Variants in CNTNAP4 observed in about 807,000 individuals in gnomAD.
CNTNAP4 encodes the protein contactin-associated protein-like 4.
In CNTNAP4, 98 loss-of-function variants were observed where a neutral mutation model predicts 148.4. That is an observed-to-expected ratio of 0.66 (90% CI 0.56 to 0.78). The LOEUF (loss-of-function observed/expected upper bound fraction) is 0.78, where lower values mean the gene tolerates loss of function less well. CNTNAP4 is among the 30% of genes least tolerant of loss of function. CNTNAP4 has a pLI of 0.00. For synonymous variants in CNTNAP4, 730 were observed against 565.1 expected (o/e 1.29, Z -4.14); for missense variants, 1,935 against 1,565.6 (o/e 1.24, Z -3.98).
chr16:76,368,995 T>TA (rs1477413209), intron 3 of CNTNAP4, among the ~76,000 whole-genome samples: 1 of 151,238 alleles, frequency 6.6e-6, no homozygotes, highest in African/African-American at 2.4e-5. Flanking sequence ...TGAAACTTTC[T>TA]AAAAAACAGT....
chr16:76,415,409 A>G (rs886089205), intron 3 of CNTNAP4, among the ~76,000 whole-genome samples: 4 of 151,260 alleles, frequency 2.6e-5, no homozygotes, highest in Non-Finnish European at 5.9e-5. Flanking sequence ...GCAATATCAT[A>G]AAATAATCAT....
intron 8 of CNTNAP4, among the ~76,000 whole-genome samples, chr16:76,458,937 T>C (rs529513119): frequency 1.5e-3 from 220 of 145,822 alleles, no homozygotes; most frequent in African/African-American, 5.9e-3. Context: ...CAGTTCCCCC[T>C]TTTTTTTTCT....
intron 8 of CNTNAP4, among the ~76,000 whole-genome samples, chr16:76,456,328 T>C (rs908664943): frequency 6.6e-6 from 1 of 152,230 alleles, no homozygotes; most frequent in Non-Finnish European, 1.5e-5. Context: ...CTAAATGCTG[T>C]CACGAAGTGA....
chr16:76,521,001 G>GA lies in CNTNAP4; in HGVS notation c.2366-132dup, dbSNP rs1007838471. ...TATCTTGTATACTACATAGTTGACA[G>GA]AAAAAAAGAGCAGATTTGTATAAAT... On this transcript the variant is annotated intron_variant, in intron 15 of 23. Transcript: ENST00000611870. 1.2e-4 allele frequency: 92 copies of GA among 742,414 alleles called. No homozygotes were observed. The Admixed American group carries it at 1.7e-3, about 14-fold the overall frequency. The allele number at this position is 742,414 out of a possible 1,614,324, so 46.0% of individuals were successfully genotyped here.
chr16:76,417,040 T>G (rs1376434218), intron 3 of CNTNAP4, among the ~76,000 whole-genome samples: 5 of 151,402 alleles, frequency 3.3e-5, no homozygotes, highest in African/African-American at 1.2e-4. Flanking sequence ...CTTTTATTTT[T>G]TATTAGTGTT....
Position 76,447,284 on chromosome 16 carries a change from C to T in CNTNAP4, c.539-728C>T, listed in dbSNP as rs562571717. Among the ~76,000 whole-genome samples, 6 of 151,298 alleles carry T rather than the reference C, an allele frequency of 4.0e-5. No individual in the cohort carries two copies. The South Asian group carries it at 1.0e-3, about 26-fold the overall frequency. On this transcript the variant is annotated intron_variant, in intron 4 of 23. Coordinates refer to ENST00000611870, the MANE Select transcript of CNTNAP4 (RefSeq NM_033401.5). ...AAGATAGTGTGAGTACCACTGCATT[C>T]CAGCCTGGGTGACAAAGAAGACCCT...
At chr16:76,522,622 C>CTTCT (rs2083504347) in intron 17 of CNTNAP4, among the ~76,000 whole-genome samples, 1 of 114,768 alleles carries the variant, frequency 8.7e-6, no homozygotes, top group African/African-American at 3.5e-5. Context: ...TCCTTCCTTC[C>CTTCT]TTCCTTCCTT....
chr16:76,328,283 C>T (rs890907018), intron 2 of CNTNAP4, among the ~76,000 whole-genome samples: 1 of 152,094 alleles, frequency 6.6e-6, no homozygotes. Context: ...TGGCATTTTA[C>T]CTCTGTGGTC....
intron 12 of CNTNAP4, among the ~76,000 whole-genome samples, chr16:76,481,861 A>C: frequency 6.6e-6 from 1 of 152,004 alleles, no homozygotes; most frequent in South Asian, 2.1e-4. Context: ...GGATAGCGGG[A>C]GTATGGTGAG....
intron 10 of CNTNAP4, among the ~76,000 whole-genome samples, chr16:76,468,965 T>C (rs1359465316): frequency 6.6e-6 from 1 of 152,188 alleles, no homozygotes; most frequent in Non-Finnish European, 1.5e-5. Flanking sequence ...TCAATATGTA[T>C]TTTGAATAAA....
intron 1 of CNTNAP4, among the ~76,000 whole-genome samples, chr16:76,313,893 A>G (rs1282537713): frequency 6.6e-6 from 1 of 152,066 alleles, no homozygotes; most frequent in Non-Finnish European, 1.5e-5. Context: ...GTTAAAAACT[A>G]AATAGAGAAA....
chr16:76,401,685 A>G (rs951117833), intron 3 of CNTNAP4, among the ~76,000 whole-genome samples: 4 of 152,178 alleles, frequency 2.6e-5, no homozygotes, highest in African/African-American at 4.8e-5. Flanking sequence ...TGGGTTTGCC[A>G]TAGATAGCTT....
At chr16:76,390,316 T>C (rs1342933937) in intron 3 of CNTNAP4, among the ~76,000 whole-genome samples, 1 of 152,226 alleles carries the variant, frequency 6.6e-6, no homozygotes, top group Non-Finnish European at 1.5e-5. Context: ...ACTTATCTAT[T>C]GTAGCTAATC....
At chr16:76,441,151 G>C (rs2080022681) in intron 4 of CNTNAP4, among the ~76,000 whole-genome samples, 1 of 152,060 alleles carries the variant, frequency 6.6e-6, no homozygotes, top group Admixed American at 6.6e-5. Flanking sequence ...TCTGAAGACA[G>C]GCATGAATAA....
chr16:76,521,329 A>G lies in CNTNAP4; in HGVS notation c.2536+19A>G, dbSNP rs1259393026. On this transcript the variant is annotated intron_variant, in intron 16 of 23. Coordinates refer to ENST00000611870, the MANE Select transcript of CNTNAP4 (RefSeq NM_033401.5). ...CTTCGCTGTAAGTCTCCTTTTCCAGAGAAGTGTATGAGATTCTATCATTTA... is the reference window on the plus strand; with the variant it reads ...CTTCGCTGTAAGTCTCCTTTTCCAGGGAAGTGTATGAGATTCTATCATTTA... The G allele has an allele frequency of 3.8e-6, 6 of 1,585,896 alleles. 1 individual carries two copies. The highest frequency in any genetic ancestry group is 2.3e-5 in the South Asian group (2 of 86,896).
At chr16:76,454,201 G>A (rs1248902662) in intron 8 of CNTNAP4, among the ~76,000 whole-genome samples, 4 of 147,382 alleles carry the variant, frequency 2.7e-5, no homozygotes, top group Non-Finnish European at 5.9e-5. Flanking sequence ...CGCAACCTCC[G>A]CCTCCCGGGT....
chr16:76,519,594 A>C (rs2083382798), intron 15 of CNTNAP4, among the ~76,000 whole-genome samples: 1 of 152,232 alleles, frequency 6.6e-6, no homozygotes, highest in Non-Finnish European at 1.5e-5. Flanking sequence ...AGATCAGCTA[A>C]GAACTTCTAA....
intron 3 of CNTNAP4, among the ~76,000 whole-genome samples, chr16:76,414,959 G>T (rs1478207241): frequency 2.7e-5 from 4 of 149,896 alleles, no homozygotes; most frequent in African/African-American, 4.9e-5. Flanking sequence ...ACCAACTTGT[G>T]TTTTTTTTCC....
chr16:76,529,530 T>C (rs1211178633), intron 17 of CNTNAP4, among the ~76,000 whole-genome samples: 1 of 152,220 alleles, frequency 6.6e-6, no homozygotes, highest in African/African-American at 2.4e-5. Context: ...AGCATTTTCG[T>C]AGAAGCTTCT....
Sources: gnomAD v4.1 joint callset for allele counts (sites outside exome capture counted in the v4.1 genomes callset) on GRCh38, gnomAD v4.1.1 for gene constraint, MANE v1.5 for transcripts, NCBI Gene and HGNC (gene_info 2026-07-23, HGNC 2026-07-21) for gene names.